SQOR: variants seen among roughly 807,000 people sequenced by gnomAD.
The protein encoded by SQOR is sulfide:quinone oxidoreductase, mitochondrial.
Under a neutral mutation model 48.6 loss-of-function variants are expected in SQOR, and 39 were observed. The ratio of observed to expected loss-of-function variants is 0.80; its 90% CI spans 0.62 to 1.05. The LOEUF (loss-of-function observed/expected upper bound fraction) is 1.05. Ranked by LOEUF, SQOR falls within the 50% of genes least tolerant of loss-of-function variation. The probability of loss-of-function intolerance (pLI) is 0.00; values close to 1 mark genes in which losing one functional copy is unlikely to be tolerated. For synonymous variants in SQOR, 220 were observed against 206.2 expected (o/e 1.07, Z -0.57); for missense variants, 561 against 559.9 (o/e 1.00, Z -0.02).
At chr15:45,683,551 A>C (rs1890162259) in intron 7 of SQOR, among the ~76,000 whole-genome samples, 1 of 152,202 alleles carries the variant, frequency 6.6e-6, no homozygotes, top group Non-Finnish European at 1.5e-5. Context: ...GGATGCTATA[A>C]AACACAAGAC....
chr15:45,640,325 C>A (rs147624383), intron 1 of SQOR, among the ~76,000 whole-genome samples: 2 of 152,240 alleles, frequency 1.3e-5, no homozygotes, highest in African/African-American at 4.8e-5. Context: ...TTGATGCCAC[C>A]CAATCTGATC....
In SQOR at chr15:45,690,967, T is replaced by G; in HGVS notation, c.1296-6T>G. On this transcript the variant is annotated splice_region_variant and splice_polypyrimidine_tract_variant and intron_variant, in intron 9 of 9. Transcript: ENST00000260324. ...CAGGTACATTTTTTTGTGTTATTTCTTACAGGGGTTACTGGGGAGGACCAG... is the reference window on the plus strand; with the variant it reads ...CAGGTACATTTTTTTGTGTTATTTCGTACAGGGGTTACTGGGGAGGACCAG... 6.2e-7 allele frequency: 1 copy of G among 1,614,062 alleles called. No individual in the cohort carries two copies. The highest frequency in any genetic ancestry group is 8.5e-7 in the Non-Finnish European group (1 of 1,179,938).
chr15:45,640,517 T>G (rs1406032084), intron 1 of SQOR, among the ~76,000 whole-genome samples: 1 of 152,184 alleles, frequency 6.6e-6, no homozygotes, highest in Non-Finnish European at 1.5e-5. Flanking sequence ...CTACACCTCA[T>G]TCTGTCTCAA....
chr15:45,644,110 G>C (rs936154502), intron 1 of SQOR, among the ~76,000 whole-genome samples: 3 of 152,054 alleles, frequency 2.0e-5, no homozygotes, highest in Non-Finnish European at 4.4e-5. Context: ...TTTTGAGACG[G>C]AGTCTTGCTC....
intron 1 of SQOR, among the ~76,000 whole-genome samples, chr15:45,652,958 C>CA (rs920470062): frequency 0.015 from 2,193 of 144,302 alleles, 18 homozygotes; most frequent in Admixed American, 0.018. Context: ...GATTCCGCCT[C>CA]AAAAAAAAAA....
chr15:45,670,844 G>A (rs1889927084), intron 4 of SQOR, among the ~76,000 whole-genome samples: 1 of 152,168 alleles, frequency 6.6e-6, no homozygotes. Flanking sequence ...TTGAGTCATG[G>A]TGCCATGGGT....
At chr15:45,633,126 T>TA (rs200408971), upstream of SQOR, among the ~76,000 whole-genome samples, 1,781 of 141,542 alleles carry the variant, frequency 0.013, 13 homozygotes, top group Admixed American at 0.016. Flanking sequence ...CTGTCTCAAT[T>TA]AAAAAAAAAA....
chr15:45,643,381 C>T (rs537157945), intron 1 of SQOR, among the ~76,000 whole-genome samples: 1 of 152,150 alleles, frequency 6.6e-6, no homozygotes, highest in Non-Finnish European at 1.5e-5. Flanking sequence ...ATTTTTAATA[C>T]AGATAGGGTT....
At chr15:45,688,511 TTTTC>T in intron 8 of SQOR, 107 bp downstream of exon 8, 2 of 845,474 alleles carry the variant, frequency 2.4e-6, no homozygotes, top group Non-Finnish European at 3.5e-6. Context: ...TTTTTTCTGT[TTTTC>T]TTTTTTTTTT....
chr15:45,665,178 T>C (rs1169918159), intron 3 of SQOR, among the ~76,000 whole-genome samples: 1 of 152,224 alleles, frequency 6.6e-6, no homozygotes, highest in East Asian at 1.9e-4. Context: ...CACTACTAGG[T>C]GTTCTCACTG....
chr15:45,666,776 C>CCTCCCCTCCCCTTCT (rs1889826876), intron 3 of SQOR, among the ~76,000 whole-genome samples: 1 of 68,230 alleles, frequency 1.5e-5, no homozygotes, highest in African/African-American at 6.0e-5. Flanking sequence ...CCTTCTCTTC[C>CCTCCCCTCCCCTTCT]CTCCCCTCCC....
At position 45,676,151 on chromosome 15, in the gene SQOR, C is replaced by T; in HGVS notation, c.705C>T (p.Ala235=). 1 of 1,614,118 alleles carries T rather than the reference C, an allele frequency of 6.2e-7. No individual in the cohort carries two copies. Among genetic ancestry groups the T allele is most frequent in the South Asian group, 1.1e-5 (1 of 91,086 alleles). ...TCATTTTCAACACTTCTCTTGGAGC[C>T]ATTTTCGGGGTTAAGAAGTATGCAG... is the stretch of plus-strand genomic sequence containing the variant. ...ANIIFNTSLG[A]IFGVKKYADA... The change falls in exon 6 of 10, where the codon GCC becomes GCT. Residue 235 remains alanine (A), a synonymous_variant. Coordinates refer to ENST00000260324, the MANE Select transcript of SQOR (RefSeq NM_021199.4).
chr15:45,663,723 C>A (rs1220213668), intron 3 of SQOR, among the ~76,000 whole-genome samples: 1 of 151,706 alleles, frequency 6.6e-6, no homozygotes, highest in Non-Finnish European at 1.5e-5. Context: ...GCTGTGATTG[C>A]GCCACTGCAC....
At chr15:45,652,125 T>C (rs554077055) in intron 1 of SQOR, among the ~76,000 whole-genome samples, 50 of 151,960 alleles carry the variant, frequency 3.3e-4, no homozygotes, top group African/African-American at 1.2e-3. Flanking sequence ...CTGCCCACCT[T>C]GGCCTCCTGA....
At chr15:45,658,198 T>C (rs1485895162) in intron 1 of SQOR, among the ~76,000 whole-genome samples, 1 of 152,236 alleles carries the variant, frequency 6.6e-6, no homozygotes, top group Non-Finnish European at 1.5e-5. Context: ...TATAACTTTA[T>C]GATACCAGGC....
chr15:45,659,094 C>A lies in SQOR; in HGVS notation c.171C>A (p.Thr57=). Residue 57 remains threonine, a synonymous_variant, in exon 2 of 10, where the codon ACC becomes ACA. Transcript: ENST00000260324. ...LVLGGGSGGI[T]MAARMKRKVG... ...TGGGTGGGGGCAGTGGCGGAATCAC[C>A]ATGGCTGCCCGCATGAAGAGGAAAG... The A allele has an allele frequency of 6.3e-7, 1 of 1,586,134 alleles. No homozygotes were observed. The highest frequency in any genetic ancestry group is 8.6e-7 in the Non-Finnish European group (1 of 1,165,254).
At chr15:45,682,391 G>A in intron 6 of SQOR, 87 bp from the exon 7 acceptor site, 2 of 1,409,210 alleles carry the variant, frequency 1.4e-6, no homozygotes, top group East Asian at 2.4e-5. Flanking sequence ...ATAGCACAGT[G>A]TATAGAGTAA....
intron 6 of SQOR, among the ~76,000 whole-genome samples, chr15:45,678,839 C>T (rs1038193060): frequency 5.3e-5 from 8 of 152,138 alleles, no homozygotes; most frequent in African/African-American, 1.9e-4. Flanking sequence ...TAAATTGCTG[C>T]TCCTCAAATG....
At chr15:45,669,364 A>G (rs1255694160) in intron 3 of SQOR, among the ~76,000 whole-genome samples, 5 of 151,884 alleles carry the variant, frequency 3.3e-5, no homozygotes, top group South Asian at 2.1e-4. Context: ...GGGTTTTGCC[A>G]TGTTGCCCAG....
Sources: allele counts gnomAD v4.1 joint callset (sites outside exome capture counted in the v4.1 genomes callset), GRCh38; gene constraint gnomAD v4.1.1; transcripts MANE v1.5; gene names NCBI Gene and HGNC (gene_info 2026-07-23, HGNC 2026-07-21).